NPAS3: variants seen among roughly 807,000 people sequenced by gnomAD.
The protein encoded by NPAS3 is neuronal PAS domain protein 3.
A neutral mutation model predicts 73.1 loss-of-function variants in NPAS3; 14 were observed. The observed-to-expected ratio is 0.19, with a 90% CI of 0.13 to 0.30. The LOEUF (loss-of-function observed/expected upper bound fraction) is 0.30, where lower values mean the gene tolerates loss of function less well. Ranked by LOEUF, NPAS3 falls within the 10% of genes least tolerant of loss-of-function variation. The probability of loss-of-function intolerance (pLI) is 1.00; values close to 1 mark genes in which losing one functional copy is unlikely to be tolerated. For missense variants in NPAS3, 1,096 were observed against 1,250.0 expected (o/e 0.88, Z 1.86); for synonymous variants, 620 against 541.5 (o/e 1.14, Z -2.01).
intron 6 of NPAS3, among the ~76,000 whole-genome samples, chr14:33,686,872 CAT>C (rs1555313635): frequency 6.6e-6 from 1 of 152,132 alleles, no homozygotes; most frequent in Non-Finnish European, 1.5e-5. Flanking sequence ...TTCCCTATAA[CAT>C]AGGAAACTTA....
At chr14:32,959,129 GA>G (rs1595091150) in intron 1 of NPAS3, among the ~76,000 whole-genome samples, 1 of 152,222 alleles carries the variant, frequency 6.6e-6, no homozygotes, top group African/African-American at 2.4e-5. Context: ...TTTGACCAGT[GA>G]AATTTGTCCT....
intron 7 of NPAS3, among the ~76,000 whole-genome samples, chr14:33,751,172 T>A (rs1457720808): frequency 6.6e-6 from 1 of 152,166 alleles, no homozygotes; most frequent in Non-Finnish European, 1.5e-5. Flanking sequence ...GGATGAAGAT[T>A]AAGAGTGTTT....
At chr14:33,683,524 A>G (rs1465356710) in intron 6 of NPAS3, among the ~76,000 whole-genome samples, 4 of 151,996 alleles carry the variant, frequency 2.6e-5, no homozygotes, top group Admixed American at 6.6e-5. Flanking sequence ...TGAACAAAGT[A>G]CAAGTTATTT....
intron 1 of NPAS3, among the ~76,000 whole-genome samples, chr14:33,021,137 G>T (rs990414767): frequency 6.6e-6 from 1 of 152,180 alleles, no homozygotes; most frequent in Non-Finnish European, 1.5e-5. Flanking sequence ...GTGGCTTGAA[G>T]GGTTATCGTG....
intron 1 of NPAS3, among the ~76,000 whole-genome samples, chr14:33,051,117 A>G (rs1328859942): frequency 6.6e-6 from 1 of 151,000 alleles, no homozygotes; most frequent in South Asian, 2.1e-4. Context: ...TACTAAAAAT[A>G]CAAAAAATTA....
chr14:33,479,519 AC>A (rs1290306000), intron 4 of NPAS3, among the ~76,000 whole-genome samples: 1 of 152,106 alleles, frequency 6.6e-6, no homozygotes, highest in African/African-American at 2.4e-5. Context: ...AAAACAAGTT[AC>A]CCCCAAAGGA....
chr14:33,073,980 C>T (rs1566531704), intron 2 of NPAS3, among the ~76,000 whole-genome samples: 3 of 152,200 alleles, frequency 2.0e-5, no homozygotes, highest in Non-Finnish European at 2.9e-5. Flanking sequence ...ATCATGTCAT[C>T]TCCTGACTTG....
At chr14:32,941,953 G>T (rs1458557022) in intron 1 of NPAS3, among the ~76,000 whole-genome samples, 1 of 152,178 alleles carries the variant, frequency 6.6e-6, no homozygotes. Flanking sequence ...AGTTGATTTG[G>T]CTTTGTAATG....
At chr14:33,679,930 A>G (rs992151228) in intron 6 of NPAS3, among the ~76,000 whole-genome samples, 27 of 152,360 alleles carry the variant, frequency 1.8e-4, no homozygotes, top group African/African-American at 6.3e-4. Context: ...GTATTATCTC[A>G]GAGAAATCTT....
intron 6 of NPAS3, among the ~76,000 whole-genome samples, chr14:33,715,784 G>A (rs10143965): frequency 0.053 from 8,094 of 152,192 alleles, 736 homozygotes; most frequent in African/African-American, 0.18. Flanking sequence ...CGTGTCATTC[G>A]AGGGACCCAG....
chr14:33,363,938 G>GTGTGTA (rs1555381745), intron 3 of NPAS3, among the ~76,000 whole-genome samples: 1 of 151,752 alleles, frequency 6.6e-6, no homozygotes, highest in Non-Finnish European at 1.5e-5. Context: ...GTGTGTGTGT[G>GTGTGTA]TGTGTGTGTG....
At chr14:33,746,217 CT>C (rs1447693216) in intron 7 of NPAS3, among the ~76,000 whole-genome samples, 1 of 142,552 alleles carries the variant, frequency 7.0e-6, no homozygotes, top group Admixed American at 6.9e-5. Flanking sequence ...GAGATGGAGT[CT>C]TTCTCTGTTG....
chr14:32,997,239 T>C (rs2038615290), intron 1 of NPAS3, among the ~76,000 whole-genome samples: 1 of 152,228 alleles, frequency 6.6e-6, no homozygotes, highest in Non-Finnish European at 1.5e-5. Context: ...TTCTAGGAAG[T>C]AACTAACTTG....
intron 5 of NPAS3, among the ~76,000 whole-genome samples, chr14:33,626,255 C>T (rs2058216246): frequency 6.6e-6 from 1 of 152,116 alleles, no homozygotes; most frequent in South Asian, 2.1e-4. Flanking sequence ...GTAATATTTG[C>T]ATAAAATTTA....
At chr14:33,105,561 A>G (rs939692923) in intron 2 of NPAS3, among the ~76,000 whole-genome samples, 1 of 152,140 alleles carries the variant, frequency 6.6e-6, no homozygotes, top group Non-Finnish European at 1.5e-5. Flanking sequence ...TTTAAATTAG[A>G]TTACATGGGC....
intron 4 of NPAS3, among the ~76,000 whole-genome samples, chr14:33,504,522 T>A (rs2052667256): frequency 6.6e-6 from 1 of 152,020 alleles, no homozygotes; most frequent in Non-Finnish European, 1.5e-5. Flanking sequence ...TTGTAGCATT[T>A]CAAATTGGCT....
At chr14:33,403,771 G>T (rs1005290818) in intron 4 of NPAS3, among the ~76,000 whole-genome samples, 2 of 151,890 alleles carry the variant, frequency 1.3e-5, no homozygotes, top group African/African-American at 4.8e-5. Context: ...TGTGGCCCAC[G>T]GTAATGGTGG....
intron 4 of NPAS3, among the ~76,000 whole-genome samples, chr14:33,536,466 A>G (rs1303548585): frequency 6.6e-6 from 1 of 152,196 alleles, no homozygotes; most frequent in East Asian, 1.9e-4. Flanking sequence ...CAGAGATAGA[A>G]AAATATTATC....
At chr14:33,759,949 A>G (rs2062231636) in intron 7 of NPAS3, among the ~76,000 whole-genome samples, 1 of 152,196 alleles carries the variant, frequency 6.6e-6, no homozygotes, top group Non-Finnish European at 1.5e-5. Flanking sequence ...TAAAATTGGG[A>G]AAAAATATCA....
Sources: allele counts gnomAD v4.1 joint callset (sites outside exome capture counted in the v4.1 genomes callset), GRCh38; gene constraint gnomAD v4.1.1; transcripts MANE v1.5; gene names NCBI Gene and HGNC (gene_info 2026-07-23, HGNC 2026-07-21).